The following BTBD9 variants were observed in gnomAD, a reference collection of about 807,000 sequenced individuals.
BTBD9 encodes BTB/POZ domain-containing protein 9.
A neutral mutation model predicts 64.3 loss-of-function variants in BTBD9; 49 were observed. The observed-to-expected ratio is 0.76, with a 90% CI of 0.61 to 0.97. The LOEUF is 0.97. BTBD9 is among the 50% of genes least tolerant of loss of function. The pLI is 0.00. For synonymous variants in BTBD9, 260 were observed against 274.7 expected, an observed-to-expected ratio of 0.95 and a Z score of 0.53; for missense variants, 598 against 762.1, an observed-to-expected ratio of 0.78 and a Z score of 2.53.
At chr6:38,623,694 C>T (rs371987205) in intron 1 of BTBD9, among the ~76,000 whole-genome samples, 5 of 152,194 alleles carry the variant, frequency 3.3e-5, no homozygotes, top group East Asian at 1.9e-4. Context: ...TAGAGTTGGG[C>T]GACATGGCTT....
intron 6 of BTBD9, among the ~76,000 whole-genome samples, chr6:38,565,100 T>A (rs557475449): frequency 6.6e-6 from 1 of 152,186 alleles, no homozygotes; most frequent in African/African-American, 2.4e-5. Flanking sequence ...TTTTTCTCCA[T>A]ATTCAATCAA....
intron 7 of BTBD9, among the ~76,000 whole-genome samples, chr6:38,296,435 C>T (rs1050436863): frequency 9.2e-5 from 14 of 152,116 alleles, no homozygotes; most frequent in African/African-American, 3.1e-4. Context: ...TCCTTATTTC[C>T]TATTTTACTA....
At chr6:38,405,299 T>C (rs1171761783) in intron 6 of BTBD9, among the ~76,000 whole-genome samples, 4 of 152,092 alleles carry the variant, frequency 2.6e-5, no homozygotes, top group Non-Finnish European at 5.9e-5. Context: ...ATCTGGAAAC[T>C]GGCAAAACAG....
chr6:38,397,660 T>C (rs1261017678), intron 6 of BTBD9, among the ~76,000 whole-genome samples: 2 of 152,178 alleles, frequency 1.3e-5, no homozygotes, highest in Non-Finnish European at 2.9e-5. Flanking sequence ...ACAGATGCCA[T>C]GTGAGCCCAT....
chr6:38,361,383 A>G (rs1030685127), intron 6 of BTBD9, among the ~76,000 whole-genome samples: 1 of 152,014 alleles, frequency 6.6e-6, no homozygotes, highest in African/African-American at 2.4e-5. Flanking sequence ...GTCTTTACAA[A>G]AACAGGAATT....
intron 7 of BTBD9, among the ~76,000 whole-genome samples, chr6:38,321,488 C>T (rs995460529): frequency 2.6e-5 from 4 of 152,168 alleles, no homozygotes; most frequent in African/African-American, 9.7e-5. Context: ...AGGGAAGCAG[C>T]CCATCCATTC....
chr6:38,488,996 C>T (rs1771580577), intron 6 of BTBD9, among the ~76,000 whole-genome samples: 1 of 151,230 alleles, frequency 6.6e-6, no homozygotes. Context: ...CCCAGGCTCA[C>T]GGGATCCTCC....
intron 6 of BTBD9, among the ~76,000 whole-genome samples, chr6:38,565,138 G>C (rs937891949): frequency 1.3e-5 from 2 of 151,672 alleles, no homozygotes; most frequent in Non-Finnish European, 2.9e-5. Context: ...TTTTTCTTCT[G>C]AACTGTCTTT....
intron 9 of BTBD9, among the ~76,000 whole-genome samples, chr6:38,230,253 G>A (rs536519918): frequency 6.6e-6 from 1 of 152,136 alleles, no homozygotes; most frequent in Non-Finnish European, 1.5e-5. Context: ...CCAGCACTTT[G>A]GGAGGCCAAG....
intron 8 of BTBD9, among the ~76,000 whole-genome samples, chr6:38,261,572 T>C (rs1764794437): frequency 6.6e-6 from 1 of 152,264 alleles, no homozygotes. Flanking sequence ...TACTTATATG[T>C]ATCTTTTTGT....
chr6:38,310,014 C>T (rs552273922), intron 7 of BTBD9, among the ~76,000 whole-genome samples: 3 of 152,254 alleles, frequency 2.0e-5, no homozygotes, highest in South Asian at 4.1e-4. Context: ...AAAGGTGAGA[C>T]ATAACACCAA....
chr6:38,392,174 C>T (rs1766448838), intron 6 of BTBD9, among the ~76,000 whole-genome samples: 1 of 151,762 alleles, frequency 6.6e-6, no homozygotes, highest in Non-Finnish European at 1.5e-5. Flanking sequence ...TTCTATGGCA[C>T]AGACCAGCAA....
chr6:38,447,033 T>C (rs1189057089), intron 6 of BTBD9, among the ~76,000 whole-genome samples: 1 of 152,260 alleles, frequency 6.6e-6, no homozygotes, highest in Non-Finnish European at 1.5e-5. Context: ...GCAACATTCA[T>C]ATTTTTCTTC....
intron 8 of BTBD9, among the ~76,000 whole-genome samples, chr6:38,272,799 T>C (rs1261885654): frequency 6.6e-6 from 1 of 152,164 alleles, no homozygotes; most frequent in Non-Finnish European, 1.5e-5. Context: ...CAGTACTTGA[T>C]TATATGCTCT....
chr6:38,185,757 A>G (rs1464818712), intron 10 of BTBD9, among the ~76,000 whole-genome samples: 2 of 152,206 alleles, frequency 1.3e-5, no homozygotes, highest in Non-Finnish European at 1.5e-5. Context: ...CCACTTGTGT[A>G]TGCATGAATG....
At chr6:38,565,126 G>T (rs1582641486) in intron 6 of BTBD9, among the ~76,000 whole-genome samples, 1 of 151,852 alleles carries the variant, frequency 6.6e-6, no homozygotes, top group Non-Finnish European at 1.5e-5. Flanking sequence ...AAGTTTGACT[G>T]GTTTTTCTTC....
At chr6:38,511,052 G>A (rs890521379) in intron 6 of BTBD9, among the ~76,000 whole-genome samples, 1 of 152,086 alleles carries the variant, frequency 6.6e-6, no homozygotes, top group Non-Finnish European at 1.5e-5. Flanking sequence ...CATGAGTAAC[G>A]TGTAATACTA....
At chr6:38,633,208 T>C (rs1477688119) in intron 1 of BTBD9, among the ~76,000 whole-genome samples, 1 of 152,172 alleles carries the variant, frequency 6.6e-6, no homozygotes, top group Non-Finnish European at 1.5e-5. Flanking sequence ...CATCAAGATA[T>C]TAACATGCTG....
At chr6:38,524,004 A>T (rs1185556144) in intron 6 of BTBD9, among the ~76,000 whole-genome samples, 2 of 152,210 alleles carry the variant, frequency 1.3e-5, no homozygotes, top group Non-Finnish European at 2.9e-5. Flanking sequence ...GCTTTGAGAT[A>T]TCTCTTCAAT....
Sources: allele counts gnomAD v4.1 joint callset (sites outside exome capture counted in the v4.1 genomes callset), GRCh38; gene constraint gnomAD v4.1.1; transcripts MANE v1.5; gene names NCBI Gene and HGNC (gene_info 2026-07-23, HGNC 2026-07-21).